The following CAST variants were observed in gnomAD, a reference collection of about 807,000 sequenced individuals.
CAST encodes MIR583 host.
CAST carries 76 observed loss-of-function variants against 119.6 expected under a neutral mutation model. That is an observed-to-expected ratio of 0.64 (90% CI 0.53 to 0.77). The LOEUF is 0.77. CAST is among the 30% of genes least tolerant of loss of function. CAST has a pLI of 0.00. For missense variants in CAST, 953 were observed against 946.5 expected, an observed-to-expected ratio of 1.01 and a Z score of -0.09; for synonymous variants, 319 against 331.6, an observed-to-expected ratio of 0.96 and a Z score of 0.41.
At chr5:96,240,339 T>C in the CAST span, among the ~76,000 whole-genome samples, 1 of 152,156 alleles carries the variant, frequency 6.6e-6, no homozygotes, top group African/African-American at 2.4e-5. Flanking sequence ...GGAAGGTACA[T>C]CAGCAGAAGA....
chr5:96,055,991 A>G, the CAST span, among the ~76,000 whole-genome samples: 1 of 152,126 alleles, frequency 6.6e-6, no homozygotes, highest in African/African-American at 2.4e-5. Context: ...ATAGTATTCT[A>G]TAAGGTTTTC....
the CAST span, among the ~76,000 whole-genome samples, chr5:96,033,105 A>G: frequency 1.3e-5 from 2 of 152,120 alleles, no homozygotes; most frequent in Admixed American, 1.3e-4. Flanking sequence ...ACTCAGGAAT[A>G]AATTTAACTA....
intron 1 of CAST, among the ~76,000 whole-genome samples, chr5:96,562,887 C>T (rs978120187): frequency 6.6e-6 from 1 of 152,132 alleles, no homozygotes; most frequent in African/African-American, 2.4e-5. Context: ...ATATTTTAAG[C>T]TGAAGGAATT....
chr5:96,227,135 G>A, the CAST span, among the ~76,000 whole-genome samples: 1 of 152,302 alleles, frequency 6.6e-6, no homozygotes, highest in South Asian at 2.1e-4. Context: ...GAGTGAGGGG[G>A]AGGGTGCTTT....
the CAST span, among the ~76,000 whole-genome samples, chr5:96,445,420 T>G: frequency 6.6e-6 from 1 of 152,200 alleles, no homozygotes; most frequent in Non-Finnish European, 1.5e-5. Context: ...GTAGCAACTT[T>G]ATCTTCTTGC....
chr5:96,505,337 G>A, the CAST span, among the ~76,000 whole-genome samples: 38 of 152,112 alleles, frequency 2.5e-4, no homozygotes, highest in South Asian at 1.9e-3. Flanking sequence ...AACTTTAGCC[G>A]GGCATGGTGG....
At chr5:96,633,518 T>C (rs913098182) in intron 1 of CAST, among the ~76,000 whole-genome samples, 4 of 152,248 alleles carry the variant, frequency 2.6e-5, no homozygotes, top group Admixed American at 1.3e-4. Context: ...GATTAGTATC[T>C]TCTCTCAGGT....
the CAST span, among the ~76,000 whole-genome samples, chr5:96,046,567 GATAATTCATT>G: frequency 9.8e-5 from 15 of 152,318 alleles, no homozygotes; most frequent in Admixed American, 9.8e-4. Context: ...CCCCATTTCT[GATAATTCATT>G]CCCATATGGG....
chr5:96,243,849 C>A, the CAST span, among the ~76,000 whole-genome samples: 1 of 152,134 alleles, frequency 6.6e-6, no homozygotes, highest in Non-Finnish European at 1.5e-5. Flanking sequence ...ACATGAGGTA[C>A]CCCTTCCCAA....
the CAST span, among the ~76,000 whole-genome samples, chr5:96,095,633 G>A: frequency 6.9e-6 from 1 of 145,984 alleles, no homozygotes; most frequent in Non-Finnish European, 1.5e-5. Flanking sequence ...TTAACCTGTG[G>A]CAAATCATCA....
At chr5:96,019,770 T>C in the CAST span, among the ~76,000 whole-genome samples, 2 of 152,212 alleles carry the variant, frequency 1.3e-5, no homozygotes, top group African/African-American at 2.4e-5. Context: ...TTTTGTTTTT[T>C]ATGTTTCACA....
At chr5:96,767,309 T>C (rs1770347488) in intron 27 of CAST, 129 bp from the exon 28 acceptor site, 1 of 659,982 alleles carries the variant, frequency 1.5e-6, no homozygotes, top group South Asian at 1.9e-5. Context: ...CTCAGGTTTA[T>C]TAGTTATTGC....
the CAST span, among the ~76,000 whole-genome samples, chr5:95,984,935 A>C: frequency 6.6e-6 from 1 of 151,932 alleles, no homozygotes; most frequent in Non-Finnish European, 1.5e-5. Context: ...TATATTGATT[A>C]TATGTTGAAT....
At chr5:96,663,266 C>T (rs1216176004) in intron 1 of CAST, 1 of 700,666 alleles carries the variant, frequency 1.4e-6, no homozygotes, top group East Asian at 2.7e-5. Flanking sequence ...GAAGCGTTGT[C>T]CGGGGTTTGG....
intron 1 of CAST, among the ~76,000 whole-genome samples, chr5:96,643,789 C>T (rs1166970040): frequency 6.6e-6 from 1 of 152,166 alleles, no homozygotes; most frequent in Non-Finnish European, 1.5e-5. Context: ...AGGAGAATCG[C>T]TTGAACCTTG....
the CAST span, chr5:96,434,018 A>G: frequency 2.6e-5 from 4 of 152,250 alleles, no homozygotes; most frequent in African/African-American, 9.6e-5. Flanking sequence ...CTAGGATCCC[A>G]AAAGCTGTTG....
intron 1 of CAST, among the ~76,000 whole-genome samples, chr5:96,573,733 G>A (rs538869121): frequency 2.6e-5 from 4 of 152,236 alleles, no homozygotes. Context: ...ACAAGATAGA[G>A]AATATTTACA....
intron 1 of CAST, among the ~76,000 whole-genome samples, chr5:96,562,028 G>C (rs1746382041): frequency 1.3e-5 from 2 of 150,766 alleles, no homozygotes; most frequent in African/African-American, 2.4e-5. Flanking sequence ...TCCTGACCTC[G>C]TGATCCGCCC....
chr5:96,261,059 G>C, the CAST span, among the ~76,000 whole-genome samples: 1 of 151,864 alleles, frequency 6.6e-6, no homozygotes, highest in Admixed American at 6.6e-5. Flanking sequence ...CTCTTTTTTT[G>C]GTCCCTTTCT....
Sources: gnomAD v4.1 joint callset for allele counts (sites outside exome capture counted in the v4.1 genomes callset) on GRCh38, gnomAD v4.1.1 for gene constraint, MANE v1.5 for transcripts, NCBI Gene and HGNC (gene_info 2026-07-23, HGNC 2026-07-21) for gene names.